MACROD2: variants seen among roughly 807,000 people sequenced by gnomAD.
MACROD2 encodes the protein ADP-ribose glycohydrolase MACROD2.
A neutral mutation model predicts 70.4 loss-of-function variants in MACROD2; 36 were observed. That is an observed-to-expected ratio of 0.51 (90% confidence interval 0.39 to 0.68). The LOEUF (loss-of-function observed/expected upper bound fraction) is 0.68, where lower values mean the gene tolerates loss of function less well. Among genes scored for constraint, MACROD2 ranks in the 30% least tolerant of loss-of-function variants. The pLI, the probability that MACROD2 is intolerant of heterozygous loss-of-function variation, is 0.00. For missense variants in MACROD2, 496 were observed against 538.4 expected, an observed-to-expected ratio of 0.92 and a Z score of 0.78; for synonymous variants, 172 against 178.8, an observed-to-expected ratio of 0.96 and a Z score of 0.30.
intron 5 of MACROD2, among the ~76,000 whole-genome samples, chr20:14,805,232 T>C (rs76149224): frequency 1.3e-5 from 2 of 152,092 alleles, no homozygotes; most frequent in Non-Finnish European, 2.9e-5. Context: ...TAAGGAAAAG[T>C]TAAGACGTTT....
chr20:15,232,585 G>A (rs1377099632), intron 6 of MACROD2, among the ~76,000 whole-genome samples: 1 of 151,990 alleles, frequency 6.6e-6, no homozygotes, highest in African/African-American at 2.4e-5. Context: ...ATAATTGGAG[G>A]AATGGAATTC....
intron 6 of MACROD2, among the ~76,000 whole-genome samples, chr20:15,268,639 C>A (rs143998830): frequency 6.6e-6 from 1 of 152,138 alleles, no homozygotes; most frequent in Non-Finnish European, 1.5e-5. Context: ...GGTGACAGAG[C>A]GAGACTCATC....
intron 8 of MACROD2, among the ~76,000 whole-genome samples, chr20:15,564,922 T>C (rs1014025291): frequency 6.6e-6 from 1 of 152,218 alleles, no homozygotes; most frequent in African/African-American, 2.4e-5. Flanking sequence ...TAAACTACCA[T>C]GCTACAAAAT....
intron 8 of MACROD2, among the ~76,000 whole-genome samples, chr20:15,672,772 C>T (rs1260510626): frequency 6.6e-6 from 1 of 152,120 alleles, no homozygotes; most frequent in Non-Finnish European, 1.5e-5. Context: ...GAGATCTTGG[C>T]CACTGATATG....
chr20:14,077,285 A>G (rs3848782), intron 2 of MACROD2, among the ~76,000 whole-genome samples: 151,315 of 152,292 alleles, frequency 0.99, 75,180 homozygotes, highest in East Asian at 1. Context: ...TTTTCATATG[A>G]CATAAAGAAA....
chr20:14,090,607 C>T (rs1278910104), intron 3 of MACROD2, among the ~76,000 whole-genome samples: 1 of 151,392 alleles, frequency 6.6e-6, no homozygotes, highest in African/African-American at 2.4e-5. Flanking sequence ...ATGCTGCCAC[C>T]TTTGTATTTA....
chr20:14,369,734 A>T (rs2083305386), intron 3 of MACROD2, among the ~76,000 whole-genome samples: 1 of 152,138 alleles, frequency 6.6e-6, no homozygotes, highest in Non-Finnish European at 1.5e-5. Context: ...AATTATTTGC[A>T]TATATTTATT....
At chr20:15,555,086 G>A (rs1040977798) in intron 8 of MACROD2, among the ~76,000 whole-genome samples, 20 of 152,160 alleles carry the variant, frequency 1.3e-4, no homozygotes, top group African/African-American at 4.8e-4. Context: ...GAGTGTAAAG[G>A]GGTATGAGTG....
chr20:15,233,047 C>T (rs926507454), intron 6 of MACROD2, among the ~76,000 whole-genome samples: 1 of 151,798 alleles, frequency 6.6e-6, no homozygotes, highest in Admixed American at 6.6e-5. Context: ...CTTATGACCA[C>T]CTAGACAAAT....
intron 10 of MACROD2, among the ~76,000 whole-genome samples, chr20:15,913,389 C>A (rs963443526): frequency 1.3e-5 from 2 of 152,052 alleles, no homozygotes; most frequent in East Asian, 3.9e-4. Flanking sequence ...TCCCTAAATT[C>A]TTTTTTTATA....
chr20:15,609,326 A>G (rs544693913), intron 8 of MACROD2, among the ~76,000 whole-genome samples: 2 of 152,368 alleles, frequency 1.3e-5, no homozygotes, highest in South Asian at 4.1e-4. Context: ...GGAGAAAACA[A>G]GGCATACGGT....
intron 2 of MACROD2, among the ~76,000 whole-genome samples, chr20:14,060,020 C>T (rs574283858): frequency 1.1e-4 from 16 of 152,226 alleles, no homozygotes; most frequent in African/African-American, 2.2e-4. Flanking sequence ...TGAATCTTTT[C>T]GACCCTTACG....
rs1379112481 is a variant in MACROD2 at position 15,080,572 on chromosome 20, T to C, written c.419-149368T>C. 3.9e-5 allele frequency among the ~76,000 whole-genome samples: 6 copies of C among 152,132 alleles called. No homozygotes were observed. The South Asian group carries it at 8.3e-4, about 21-fold the overall frequency. ...GGCTCAGTTCTTGGACCCTTTTTCT[T>C]CTGTATCTTCGCTTAATGTCTTTAA... On this transcript the variant is annotated intron_variant, in intron 5 of 17. Transcript: ENST00000684519.
At chr20:14,338,394 C>G (rs1949739102) in intron 3 of MACROD2, among the ~76,000 whole-genome samples, 1 of 152,084 alleles carries the variant, frequency 6.6e-6, no homozygotes, top group South Asian at 2.1e-4. Context: ...ATACACGTGT[C>G]ACTGATTCAT....
chr20:15,718,078 T>C (rs1362593851), intron 8 of MACROD2, among the ~76,000 whole-genome samples: 1 of 150,356 alleles, frequency 6.7e-6, no homozygotes, highest in African/African-American at 2.5e-5. Flanking sequence ...TGGAGTGCAG[T>C]GGTACGAATT....
At chr20:15,494,119 A>T (rs937271795) in intron 7 of MACROD2, among the ~76,000 whole-genome samples, 4 of 152,252 alleles carry the variant, frequency 2.6e-5, no homozygotes, top group Admixed American at 6.5e-5. Flanking sequence ...AGCTATCTTT[A>T]ATAGCTTGAA....
chr20:14,274,151 C>T (rs2082227065), intron 3 of MACROD2, among the ~76,000 whole-genome samples: 1 of 152,110 alleles, frequency 6.6e-6, no homozygotes, highest in Admixed American at 6.5e-5. Flanking sequence ...TTTATGAGGC[C>T]AGCATCATCC....
intron 6 of MACROD2, among the ~76,000 whole-genome samples, chr20:15,424,940 G>A (rs1600393403): frequency 6.6e-6 from 1 of 152,296 alleles, no homozygotes; most frequent in Admixed American, 6.5e-5. Flanking sequence ...TTGACTTTCA[G>A]CTAACCAACC....
chr20:15,517,905 A>C (rs1248424853), intron 8 of MACROD2, among the ~76,000 whole-genome samples: 1 of 152,252 alleles, frequency 6.6e-6, no homozygotes, highest in Non-Finnish European at 1.5e-5. Context: ...TTGCCGAGCC[A>C]TTTCTTATTG....
Sources: allele counts gnomAD v4.1 joint callset (sites outside exome capture counted in the v4.1 genomes callset), GRCh38; gene constraint gnomAD v4.1.1; transcripts MANE v1.5; gene names NCBI Gene and HGNC (gene_info 2026-07-23, HGNC 2026-07-21).